The following KATNAL2 variants were observed in gnomAD, a reference collection of about 807,000 sequenced individuals.
KATNAL2 encodes katanin p60 ATPase-containing subunit A-like 2.
KATNAL2 carries 52 observed loss-of-function variants against 76.3 expected under a neutral mutation model. That is an observed-to-expected ratio of 0.68 (90% confidence interval 0.55 to 0.86). The LOEUF (loss-of-function observed/expected upper bound fraction) is 0.86, where lower values mean the gene tolerates loss of function less well. Ranked by LOEUF, KATNAL2 falls within the 40% of genes least tolerant of loss-of-function variation. The probability of loss-of-function intolerance (pLI) is 0.00; values close to 1 mark genes in which losing one functional copy is unlikely to be tolerated. For synonymous variants in KATNAL2, 243 were observed against 244.2 expected, an observed-to-expected ratio of 1.00 and a Z score of 0.05; for missense variants, 660 against 668.9, an observed-to-expected ratio of 0.99 and a Z score of 0.15.
intron 13 of KATNAL2, among the ~76,000 whole-genome samples, chr18:47,070,175 C>T (rs2061949163): frequency 6.7e-6 from 1 of 150,156 alleles, no homozygotes; most frequent in African/African-American, 2.4e-5. Flanking sequence ...TGGCTCACTG[C>T]AACCTCTGCC....
chr18:46,940,215 G>A (rs1480507737), intron 1 of KATNAL2, among the ~76,000 whole-genome samples: 1 of 152,202 alleles, frequency 6.6e-6, no homozygotes, highest in Non-Finnish European at 1.5e-5. Context: ...CTACAGGAAG[G>A]CCAGTAATAG....
intron 1 of KATNAL2, among the ~76,000 whole-genome samples, chr18:46,921,698 A>T (rs868818310): frequency 6.6e-6 from 1 of 152,104 alleles, no homozygotes; most frequent in Admixed American, 6.5e-5. Context: ...CATAACAAAA[A>T]AAAAAAAGCA....
chr18:46,935,306 A>C (rs980584211), intron 1 of KATNAL2, among the ~76,000 whole-genome samples: 4 of 152,208 alleles, frequency 2.6e-5, no homozygotes, highest in Non-Finnish European at 5.9e-5. Flanking sequence ...TGACTCCCTG[A>C]GTCAGCTAGG....
chr18:47,032,745 A>G (rs1443760387), intron 3 of KATNAL2: 4 of 603,078 alleles, frequency 6.6e-6, no homozygotes, highest in Non-Finnish European at 1.1e-5. Context: ...AAAAATTATC[A>G]GTGAACATCC....
chr18:46,941,467 C>T (rs1187771184), intron 1 of KATNAL2, among the ~76,000 whole-genome samples: 1 of 151,664 alleles, frequency 6.6e-6, no homozygotes, highest in Non-Finnish European at 1.5e-5. Flanking sequence ...TTTTTCAATA[C>T]TTTAAAAAAT....
At chr18:47,089,296 T>C (rs2062902455) in intron 15 of KATNAL2, among the ~76,000 whole-genome samples, 1 of 152,228 alleles carries the variant, frequency 6.6e-6, no homozygotes, top group Non-Finnish European at 1.5e-5. Flanking sequence ...AATTGAGCTT[T>C]TTAAGGGACT....
chr18:47,034,579 G>A (rs967841942), intron 3 of KATNAL2: 2 of 1,614,192 alleles, frequency 1.2e-6, no homozygotes, highest in South Asian at 1.1e-5. Flanking sequence ...CTGGCGAGAC[G>A]ATTTGTGCCC....
Position 46,938,871 on chromosome 18 carries a change from T to C in KATNAL2, c.-509-7186T>C, listed in dbSNP as rs548289004. On this transcript the variant is annotated intron_variant, in intron 1 of 17. Coordinates refer to ENST00000683218, the MANE Select transcript of KATNAL2 (RefSeq NM_001387690.1). ...TATCCTCTCAAACTGCTTGATTTTC[T>C]TTATGGAATATATCACTACCTCAAA... Among the ~76,000 whole-genome samples the C allele has an allele frequency of 2.0e-5, 3 of 152,258 alleles. No individual in the cohort carries two copies. The East Asian group carries it at 5.8e-4, about 30-fold the overall frequency.
chr18:47,063,222 G>C, intron 9 of KATNAL2, 62 bp from the exon 10 acceptor site: 1 of 1,547,596 alleles, frequency 6.5e-7, no homozygotes, highest in Admixed American at 1.7e-5. Flanking sequence ...GTGCATGCCC[G>C]GGGTTTCTTC....
rs2063438368 is a variant in KATNAL2, at chr18:47,101,517, C to G, written c.*512C>G. ...AATATTCTGAATCTCATCAGCTCCCCCTAATTCTGACTCCATCCAGCTTTG... is the reference window on the plus strand; with the variant it reads ...AATATTCTGAATCTCATCAGCTCCCGCTAATTCTGACTCCATCCAGCTTTG... On this transcript the variant is annotated 3_prime_UTR_variant, in exon 18 of 18. Coordinates refer to ENST00000683218, the MANE Select transcript of KATNAL2 (RefSeq NM_001387690.1). 1 of 156,610 alleles carries G rather than the reference C, an allele frequency of 6.4e-6. No homozygotes were observed. The allele number at this position is 156,610 out of a possible 1,614,324, so 9.7% of individuals were successfully genotyped here.
intron 17 of KATNAL2, 63 bp from the exon 18 acceptor site, chr18:47,100,803 T>C (rs1257495456): frequency 6.3e-7 from 1 of 1,590,478 alleles, no homozygotes. Context: ...CTATTAGCGT[T>C]TCAAGAGCAT....
intron 3 of KATNAL2, among the ~76,000 whole-genome samples, chr18:47,031,875 T>C (rs2060475939): frequency 6.6e-6 from 1 of 152,200 alleles, no homozygotes; most frequent in Non-Finnish European, 1.5e-5. Context: ...TTTGTCTCCA[T>C]CCTGGCTTTT....
At chr18:46,925,056 C>T (rs1271114625) in intron 1 of KATNAL2, among the ~76,000 whole-genome samples, 12 of 151,998 alleles carry the variant, frequency 7.9e-5, no homozygotes, top group African/African-American at 2.9e-4. Flanking sequence ...CCTCTTTTCC[C>T]AATTGAATAC....
chr18:47,085,231 A>T (rs2062719385), intron 15 of KATNAL2, among the ~76,000 whole-genome samples: 1 of 152,172 alleles, frequency 6.6e-6, no homozygotes, highest in Admixed American at 6.6e-5. Context: ...AAATTTGTGA[A>T]ATGGTAGTTT....
intron 1 of KATNAL2, among the ~76,000 whole-genome samples, chr18:46,943,783 C>A (rs138800504): frequency 1.3e-5 from 2 of 152,312 alleles, no homozygotes; most frequent in African/African-American, 4.8e-5. Flanking sequence ...CATCAGGACT[C>A]CTTTCTGTTA....
chr18:47,031,416 T>TCA (rs1569042966), intron 3 of KATNAL2, among the ~76,000 whole-genome samples: 1 of 152,134 alleles, frequency 6.6e-6, no homozygotes, highest in East Asian at 1.9e-4. Flanking sequence ...TGTGTCTCTC[T>TCA]GTCTTTCTTT....
At chr18:47,043,245 AG>A (rs2061034718) in intron 3 of KATNAL2, among the ~76,000 whole-genome samples, 12 of 93,148 alleles carry the variant, frequency 1.3e-4, no homozygotes, top group South Asian at 4.1e-4. Flanking sequence ...AAAAAAAAAA[AG>A]AGATCCTAAA....
At chr18:46,961,924 A>C (rs2059979973) in intron 3 of KATNAL2, among the ~76,000 whole-genome samples, 1 of 152,356 alleles carries the variant, frequency 6.6e-6, no homozygotes, top group Non-Finnish European at 1.5e-5. Context: ...TACTAAGAAT[A>C]TAAGTTTTTA....
At chr18:47,093,349 G>C (rs1225653743) in intron 15 of KATNAL2, among the ~76,000 whole-genome samples, 3 of 149,826 alleles carry the variant, frequency 2.0e-5, no homozygotes, top group African/African-American at 4.9e-5. Flanking sequence ...TAGAATTCTG[G>C]AAAGTTTTCT....
Sources: gnomAD v4.1 joint callset for allele counts (sites outside exome capture counted in the v4.1 genomes callset) on GRCh38, gnomAD v4.1.1 for gene constraint, MANE v1.5 for transcripts, NCBI Gene and HGNC (gene_info 2026-07-23, HGNC 2026-07-21) for gene names.